PLCB2: variants seen among roughly 807,000 people sequenced by gnomAD.
PLCB2 encodes phospholipase C beta 2.
A neutral mutation model predicts 141.7 loss-of-function variants in PLCB2; 115 were observed. The observed-to-expected ratio is 0.81, with a 90% CI of 0.70 to 0.95. PLCB2 has a LOEUF of 0.95. PLCB2 is among the 40% of genes least tolerant of loss of function. The probability of loss-of-function intolerance (pLI) is 0.00; values close to 1 mark genes in which losing one functional copy is unlikely to be tolerated. For synonymous variants in PLCB2, 603 were observed against 595.6 expected, an observed-to-expected ratio of 1.01 and a Z score of -0.18; for missense variants, 1,403 against 1,541.1, an observed-to-expected ratio of 0.91 and a Z score of 1.50.
At chr15:40,289,598 G>C (rs1259127465) in intron 30 of PLCB2, 1 of 564,714 alleles carries the variant, frequency 1.8e-6, no homozygotes, top group Non-Finnish European at 3.2e-6. Flanking sequence ...GGACCCAGTA[G>C]GTGGCAGCTG....
chr15:40,290,671 C>T lies in PLCB2; in HGVS notation c.3115G>A (p.Asp1039Asn), dbSNP rs373461445. The change falls in exon 29 of 32, where the codon GAC becomes AAC. Residue 1039 changes from aspartate (D) to asparagine (N), a missense_variant and splice_region_variant. Asp to Asn is a conservative substitution (Grantham distance 23). This residue lies in a region of PLCB2 where 290 missense variants were observed against 245.9 expected (regional missense o/e 1.18). Coordinates refer to ENST00000260402, the MANE Select transcript of PLCB2 (RefSeq NM_004573.3). ...AGCTTTTTCTTCATCTCTTTGGTGT[C>T]GCTGCAGAGAGACAGGCATGAAGGA... The part of the protein sequence containing the change: ...LKALKETSEN[D>N]TKEMKKKLET... 13 of 1,613,768 alleles carry T rather than the reference C, an allele frequency of 8.1e-6. No individual in the cohort carries two copies. The African/African-American group carries it at 1.3e-4, about 17-fold the overall frequency.
rs2040362529 is a variant in PLCB2, at chr15:40,298,738, C to T, written c.851-30G>A. 4 of 1,612,488 alleles carry T rather than the reference C, an allele frequency of 2.5e-6. No homozygotes were observed. The South Asian group carries it at 4.4e-5, about 18-fold the overall frequency. Reference sequence around the variant, plus strand: ...GGGACAGGAGATAGCTGTCAGGCTACAACCCCGCTGCCAAGGCAGGACAGG... The same window carrying T: ...GGGACAGGAGATAGCTGTCAGGCTATAACCCCGCTGCCAAGGCAGGACAGG... On this transcript the variant is annotated intron_variant, in intron 9 of 31. Coordinates refer to ENST00000260402, the MANE Select transcript of PLCB2 (RefSeq NM_004573.3).
At chr15:40,285,881 A>G (rs532689592), downstream of PLCB2, 170 of 985,464 alleles carry the variant, frequency 1.7e-4, no homozygotes, top group African/African-American at 2.8e-3. Context: ...CCCTGAGACA[A>G]CTGAGCTTCA....
rs377417697 is a variant in PLCB2 at position 40,296,738 on chromosome 15, C to G, written c.1486+8G>C. ...TAATACCCCCCACCATAGTCCTCCC[C>G]GACTCACCTGTGCCCTCACCTGCAG... On this transcript the variant is annotated splice_region_variant and intron_variant, in intron 14 of 31. Transcript: ENST00000260402. 7 of 1,611,456 alleles carry G rather than the reference C, an allele frequency of 4.3e-6. No homozygotes were observed. Among genetic ancestry groups the G allele is most frequent in the East Asian group, 2.2e-5 (1 of 44,852 alleles).
chr15:40,298,537 T>C (rs758866883), intron 10 of PLCB2, 25 bp downstream of exon 10: 1 of 1,614,068 alleles, frequency 6.2e-7, no homozygotes, highest in Non-Finnish European at 8.5e-7. Flanking sequence ...AAGCAGAGGT[T>C]GGCACCAATG....
downstream of PLCB2, chr15:40,284,427 C>A: frequency 2.3e-6 from 1 of 443,298 alleles, no homozygotes. Flanking sequence ...AATTCTTCTG[C>A]TAAATACGTA....
chr15:40,293,730 G>T lies in PLCB2; in HGVS notation c.2062-6C>A. The stretch of plus-strand genomic sequence containing the variant: ...AGGAACTGCCCAGAGATCACCTGGG[G>T]GTAGGGGCCCAGGAAAACCAGCATC... On this transcript the variant is annotated splice_region_variant and splice_polypyrimidine_tract_variant and intron_variant, in intron 19 of 31. Coordinates refer to ENST00000260402, the MANE Select transcript of PLCB2 (RefSeq NM_004573.3). 4 of 1,602,872 alleles carry T rather than the reference G, an allele frequency of 2.5e-6. No homozygotes were observed. Among genetic ancestry groups the T allele is most frequent in the Non-Finnish European group, 3.4e-6 (4 of 1,171,116 alleles).
In PLCB2 at chr15:40,289,886, A is replaced by C. The variant is rs1275453843; in HGVS notation, c.3267+139T>G. Reference sequence around the variant, plus strand: ...ACAGCGCTAGGCAGTGCATCTCCTAAGGGCAAAGTCAGGGCCTGGGGCCAC... The same window carrying C: ...ACAGCGCTAGGCAGTGCATCTCCTACGGGCAAAGTCAGGGCCTGGGGCCAC... On this transcript the variant is annotated intron_variant, in intron 30 of 31. Transcript: ENST00000260402. 1.6e-4 allele frequency: 122 copies of C among 756,700 alleles called. 1 individual carries two copies. Among genetic ancestry groups the C allele is most frequent in the South Asian group, 1.2e-3 (85 of 68,452 alleles). 46.9% of individuals were successfully genotyped at this position (756,700 alleles called of 1,614,324 possible).
chr15:40,290,132 G>T, intron 29 of PLCB2, 50 bp from the exon 30 acceptor site: 3 of 1,148,126 alleles, frequency 2.6e-6, no homozygotes, highest in Non-Finnish European at 4.0e-6. Context: ...CCTAGGGAGA[G>T]TAGGGTAACA....
At position 40,297,622 on chromosome 15, in the gene PLCB2, C is replaced by T. The variant is rs767333292; in HGVS notation, c.1239-17G>A. On this transcript the variant is annotated splice_polypyrimidine_tract_variant and intron_variant, in intron 12 of 31. Coordinates refer to ENST00000260402, the MANE Select transcript of PLCB2 (RefSeq NM_004573.3). This position sits in a 1 kb window ranked among gnomAD's most constrained non-coding sequence, Gnocchi z 4.2. Reference sequence around the variant, plus strand: ...TGGCGGGGTCTGCGGGGAGCAAAAGCGGGGATGGGGTTCAGCCGCTCAGCA... The same window carrying T: ...TGGCGGGGTCTGCGGGGAGCAAAAGTGGGGATGGGGTTCAGCCGCTCAGCA... 96 of 1,606,954 alleles carry T rather than the reference C, an allele frequency of 6.0e-5. No individual in the cohort carries two copies. The highest frequency in any genetic ancestry group is 6.0e-5 in the Non-Finnish European group (70 of 1,173,920).
chr15:40,291,268 T>G lies in PLCB2; in HGVS notation c.2867A>C (p.Lys956Thr), dbSNP rs767956317. Reference protein sequence around the residue: ...KLGPGKGSRKKRSLPREESAG... With the variant: ...KLGPGKGSRKTRSLPREESAG... ...AGGGCACCGCCACGAGCCTTACCTC[T>G]TCTTGCGAGAGCCCTTGCCGGGACC... The change falls in exon 26 of 32, where the codon AAG (lysine) becomes ACG (threonine). Residue 956 changes from lysine (K) to threonine (T), a missense_variant. Around this residue, in one of 4 missense-constraint regions of PLCB2, gnomAD observed 290 missense variants for 245.9 expected, o/e 1.18. Coordinates refer to ENST00000260402, the MANE Select transcript of PLCB2 (RefSeq NM_004573.3). 17 of 1,570,084 alleles carry G rather than the reference T, an allele frequency of 1.1e-5. No individual in the cohort carries two copies. In the East Asian group the frequency reaches 3.2e-4, roughly 30 times the overall value.
At chr15:40,302,390 C>T (rs750023582) in intron 4 of PLCB2, 41 bp from the exon 5 acceptor site, 3 of 1,611,932 alleles carry the variant, frequency 1.9e-6, no homozygotes, top group African/African-American at 2.7e-5. Flanking sequence ...TCCTGAGCAC[C>T]CCCGCCCAGG....
chr15:40,301,993 T>C lies in PLCB2; in HGVS notation c.546A>G (p.Glu182=). The C allele has an allele frequency of 6.2e-7, 1 of 1,614,072 alleles. No individual in the cohort carries two copies. Residue 182 remains glutamate, a synonymous_variant, in exon 7 of 32, where the codon GAA becomes GAG. Coordinates refer to ENST00000260402, the MANE Select transcript of PLCB2 (RefSeq NM_004573.3). ...QMFPADRKRV[E]AALSACHLPK... ...GGAGGTGGCAGGCACTGAGAGCAGCTTCCACCCGCTTGCGGTCAGCAGGAA... is the reference window on the plus strand; with the variant it reads ...GGAGGTGGCAGGCACTGAGAGCAGCCTCCACCCGCTTGCGGTCAGCAGGAA...
chr15:40,300,935 C>T (rs766392698), intron 7 of PLCB2: 1 of 152,598 alleles, frequency 6.6e-6, no homozygotes, highest in African/African-American at 2.4e-5. Context: ...GGGTCAGTAG[C>T]CTCTACTGAG....
Position 40,288,857 on chromosome 15 carries a change from T to G in PLCB2, c.3416A>C (p.Lys1139Thr), listed in dbSNP as rs1241443830. 8.7e-6 allele frequency: 14 copies of G among 1,613,924 alleles called. No homozygotes were observed. Among genetic ancestry groups the G allele is most frequent in the Non-Finnish European group, 9.3e-6 (11 of 1,180,012 alleles). The change falls in exon 32 of 32, where the codon AAG (lysine) becomes ACG (threonine). Residue 1139 changes from lysine (K) to threonine (T), a missense_variant. Lys to Thr is a moderately conservative substitution (Grantham distance 78). Around this residue, in one of 4 missense-constraint regions of PLCB2, gnomAD observed 132 missense variants for 132.4 expected, o/e 1.00. Coordinates refer to ENST00000260402, the MANE Select transcript of PLCB2 (RefSeq NM_004573.3). ...CCTGAGGCAGGCCCTCACCGACTCC[T>G]TCACCTCTGCCTCCAGACCCTTCAT... is the stretch of plus-strand genomic sequence containing the variant. ...ARMKGLEAEV[K>T]ESVRACLRTC...
In PLCB2 at chr15:40,299,136, G is replaced by A; in HGVS notation, c.675C>T (p.Phe225=). Residue 225 remains phenylalanine, a synonymous_variant, in exon 8 of 32, where the codon TTC becomes TTT. Transcript: ENST00000260402. ...LCPRPEIDEI[F]TSYHAKAKPY... ...CAACCCAAGAAACTCACTAAGAAGT[G>A]AAGATCTCATCTATTTCTGGCCGAG... The A allele has an allele frequency of 6.2e-7, 1 of 1,611,048 alleles. No homozygotes were observed. The highest frequency in any genetic ancestry group is 1.1e-5 in the South Asian group (1 of 91,016).
In PLCB2 at chr15:40,296,773, G is replaced by A; in HGVS notation, c.1459C>T (p.Pro487Ser). The change falls in exon 14 of 32, where the codon CCC becomes TCC. Residue 487 changes from proline to serine, a missense_variant. By Grantham distance (74) the Pro-to-Ser change is moderately conservative. Coordinates refer to ENST00000260402, the MANE Select transcript of PLCB2 (RefSeq NM_004573.3). Reference protein sequence around the residue: ...TGGEAEGSSPPSAPAGEGTVW... With the variant: ...TGGEAEGSSPSSAPAGEGTVW... ...GTGCCCTCACCTGCAGGGGCACTGG[G>A]TGGGCTGCTGCCCTCAGCCTCCCCA... 1 of 1,613,866 alleles carries A rather than the reference G, an allele frequency of 6.2e-7. No homozygotes were observed.
chr15:40,292,119 C>T lies in PLCB2; in HGVS notation c.2471G>A (p.Ser824Asn), dbSNP rs747772743. Reference protein sequence around the residue: ...VALANPIKFFSAHDTKSVKLK... With the variant: ...VALANPIKFFNAHDTKSVKLK... Reference sequence around the variant, plus strand: ...CTTCACAGACTTCGTGTCATGGGCACTGAAGAACTTAATGGGGTTGGCGAG... The same window carrying T: ...CTTCACAGACTTCGTGTCATGGGCATTGAAGAACTTAATGGGGTTGGCGAG... Residue 824 changes from serine to asparagine, a missense_variant, in exon 23 of 32, where the codon AGT becomes AAT. Physicochemically the swap from Ser to Asn is conservative, Grantham distance 46. Around this residue, in one of 4 missense-constraint regions of PLCB2, gnomAD observed 975 missense variants for 1,141.1 expected, o/e 0.85. Coordinates refer to ENST00000260402, the MANE Select transcript of PLCB2 (RefSeq NM_004573.3). 4 of 1,614,104 alleles carry T rather than the reference C, an allele frequency of 2.5e-6. No homozygotes were observed. The Admixed American group carries it at 6.7e-5, about 27-fold the overall frequency.
At chr15:40,293,171 G>C in intron 20 of PLCB2, 146 bp from the exon 21 acceptor site, 1 of 604,966 alleles carries the variant, frequency 1.7e-6, no homozygotes. Context: ...GCACACTCTA[G>C]GCCATATACA....
Sources: gnomAD v4.1 joint callset for allele counts on GRCh38, gnomAD v4.1.1 for gene constraint, gnomAD v4.1.1 regional missense constraint, Gnocchi (gnomAD v3.1) non-coding constraint, MANE v1.5 for transcripts, NCBI Gene and HGNC (gene_info 2026-07-23, HGNC 2026-07-21) for gene names.